IRAK1BP1: variants seen among roughly 807,000 people sequenced by gnomAD.
IRAK1BP1 encodes interleukin 1 receptor associated kinase 1 binding protein 1, also known as interleukin-1 receptor-associated kinase 1-binding protein 1.
In IRAK1BP1, 24 loss-of-function variants were observed where a neutral mutation model predicts 28.0. The ratio of observed to expected loss-of-function variants is 0.86; its 90% CI spans 0.62 to 1.20. IRAK1BP1 has a LOEUF of 1.20. Ranked by LOEUF, IRAK1BP1 falls within the 50% of genes most tolerant of loss-of-function variation. IRAK1BP1 has a pLI of 0.00. For missense variants in IRAK1BP1, 336 were observed against 316.7 expected, an observed-to-expected ratio of 1.06 and a Z score of -0.46; for synonymous variants, 131 against 116.3, an observed-to-expected ratio of 1.13 and a Z score of -0.81.
intron 4 of IRAK1BP1, among the ~76,000 whole-genome samples, chr6:78,921,672 C>T (rs1323349593): frequency 6.6e-6 from 1 of 152,168 alleles, no homozygotes; most frequent in African/African-American, 2.4e-5. Flanking sequence ...GGAGGCATCC[C>T]CCAGTAGGGG....
chr6:78,971,933 C>T, the IRAK1BP1 span, among the ~76,000 whole-genome samples: 3,899 of 152,228 alleles, frequency 0.026, 65 homozygotes, highest in Non-Finnish European at 0.038. Context: ...AACTGCAAGG[C>T]GGCAGCGAGG....
chr6:78,938,439 A>T (rs914006985), intron 4 of IRAK1BP1: 1 of 151,408 alleles, frequency 6.6e-6, no homozygotes, highest in African/African-American at 2.4e-5. Flanking sequence ...AAAACTGTAC[A>T]TTTTTTTTAC....
chr6:78,869,449 G>A (rs1475826151), intron 1 of IRAK1BP1, among the ~76,000 whole-genome samples: 1 of 152,212 alleles, frequency 6.6e-6, no homozygotes, highest in Non-Finnish European at 1.5e-5. Context: ...GAATCCGGGA[G>A]GCGAAGGTTT....
chr6:78,972,027 C>T, the IRAK1BP1 span, among the ~76,000 whole-genome samples: 1 of 152,120 alleles, frequency 6.6e-6, no homozygotes, highest in Non-Finnish European at 1.5e-5. Context: ...GAGCCCACCA[C>T]AGCTCAAGGA....
At chr6:78,970,280 TG>T in the IRAK1BP1 span, 6 of 856,816 alleles carry the variant, frequency 7.0e-6, no homozygotes, top group African/African-American at 1.0e-4. Context: ...TTGATCTGGA[TG>T]GTGATGACTG....
intron 4 of IRAK1BP1, chr6:78,937,964 GT>G (rs1228394825): frequency 6.6e-6 from 1 of 151,554 alleles, no homozygotes; most frequent in Non-Finnish European, 1.5e-5. Context: ...AATTGGAGAT[GT>G]TTTTATTGCT....
downstream of IRAK1BP1, among the ~76,000 whole-genome samples, chr6:78,949,892 T>C (rs889628049): frequency 2.6e-5 from 4 of 152,134 alleles, no homozygotes; most frequent in Non-Finnish European, 4.4e-5. Flanking sequence ...TTTTGCCATA[T>C]TGCTCAGACT....
At chr6:78,955,596 A>G in the IRAK1BP1 span, 14 of 793,914 alleles carry the variant, frequency 1.8e-5, no homozygotes, top group South Asian at 1.3e-4. Flanking sequence ...TGGTAATAAT[A>G]ATGAAATATT....
At chr6:78,940,496 T>TTATA (rs55984056) in intron 4 of IRAK1BP1, 1 of 130,764 alleles carries the variant, frequency 7.6e-6, no homozygotes, top group African/African-American at 2.8e-5. Flanking sequence ...ATGTATATAT[T>TTATA]TATATATATA....
intron 2 of IRAK1BP1, among the ~76,000 whole-genome samples, chr6:78,890,011 G>T (rs1771579638): frequency 6.6e-6 from 1 of 152,048 alleles, no homozygotes; most frequent in Non-Finnish European, 1.5e-5. Context: ...CAACGACTTG[G>T]AACCAACCCA....
chr6:78,880,605 A>G (rs886733028), intron 1 of IRAK1BP1, among the ~76,000 whole-genome samples: 3 of 152,224 alleles, frequency 2.0e-5, no homozygotes, highest in Non-Finnish European at 4.4e-5. Context: ...AAGTCAGTCT[A>G]TAGACTGGGA....
the IRAK1BP1 span, among the ~76,000 whole-genome samples, chr6:78,962,012 G>A: frequency 6.6e-6 from 1 of 151,730 alleles, no homozygotes; most frequent in East Asian, 1.9e-4. Context: ...AAATTCTAGG[G>A]GTATTGTTTT....
At chr6:78,882,903 C>T (rs1416172276) in intron 1 of IRAK1BP1, among the ~76,000 whole-genome samples, 1 of 152,144 alleles carries the variant, frequency 6.6e-6, no homozygotes, top group Non-Finnish European at 1.5e-5. Flanking sequence ...GATGGGACCT[C>T]TGTACTATCT....
chr6:78,925,900 G>A (rs968347825), intron 4 of IRAK1BP1, among the ~76,000 whole-genome samples: 1 of 152,116 alleles, frequency 6.6e-6, no homozygotes, highest in South Asian at 2.1e-4. Context: ...CAACGTGGAT[G>A]TACCTCAAGA....
At chr6:78,955,735 T>G in the IRAK1BP1 span, 2 of 657,006 alleles carry the variant, frequency 3.0e-6, no homozygotes, top group African/African-American at 3.7e-5. Context: ...ATAATTTTTT[T>G]CCTTAAAAAT....
At position 78,898,267 on chromosome 6, in the gene IRAK1BP1, A is replaced by G; in HGVS notation, c.716A>G (p.His239Arg). 3 of 1,612,054 alleles carry G rather than the reference A, an allele frequency of 1.9e-6. No individual in the cohort carries two copies. Among genetic ancestry groups the G allele is most frequent in the Non-Finnish European group, 2.5e-6 (3 of 1,178,806 alleles). ...CAAAAAATCAAAAGTGCAACAATAC[A>G]TGCTGCTTCAAAAGTATTTATAACT... ...VQQKIKSATI[H>R]AASKVFITFE... The change falls in exon 4 of 4, where the codon CAT becomes CGT. Residue 239 changes from histidine to arginine, a missense_variant. Physicochemically the swap from His to Arg is conservative, Grantham distance 29. Coordinates refer to ENST00000369940, the MANE Select transcript of IRAK1BP1 (RefSeq NM_001010844.4).
chr6:78,906,034 T>A (rs1002655097), downstream of IRAK1BP1, among the ~76,000 whole-genome samples: 2 of 152,134 alleles, frequency 1.3e-5, no homozygotes, highest in Non-Finnish European at 1.5e-5. Flanking sequence ...TGGGATGTAG[T>A]ATAGTTGTAA....
At chr6:78,876,272 G>T (rs1317691207) in intron 1 of IRAK1BP1, among the ~76,000 whole-genome samples, 1 of 152,096 alleles carries the variant, frequency 6.6e-6, no homozygotes, top group African/African-American at 2.4e-5. Flanking sequence ...TTTGCCTTCT[G>T]CCATGGTTGT....
chr6:78,974,444 C>A, the IRAK1BP1 span, among the ~76,000 whole-genome samples: 3 of 151,560 alleles, frequency 2.0e-5, no homozygotes, highest in African/African-American at 7.3e-5. Context: ...AAAATTGACA[C>A]CCTAACATCA....
Sources: gnomAD v4.1 joint callset for allele counts (sites outside exome capture counted in the v4.1 genomes callset) on GRCh38, gnomAD v4.1.1 for gene constraint, MANE v1.5 for transcripts, NCBI Gene and HGNC (gene_info 2026-07-23, HGNC 2026-07-21) for gene names.